Variants in CADM1 observed in about 807,000 individuals in gnomAD.
CADM1 encodes cell adhesion molecule 1.
Under a neutral mutation model 53.1 loss-of-function variants are expected in CADM1, and 15 were observed. That is an observed-to-expected ratio of 0.28 (90% confidence interval 0.19 to 0.44). The LOEUF is 0.44. CADM1 is among the 20% of genes least tolerant of loss of function. The probability of loss-of-function intolerance (pLI) is 1.00; values close to 1 mark genes in which losing one functional copy is unlikely to be tolerated. For synonymous variants in CADM1, 281 were observed against 243.0 expected (o/e 1.16, Z -1.45); for missense variants, 434 against 611.3 (o/e 0.71, Z 3.06).
At chr11:115,436,170 T>C (rs538265601) in intron 1 of CADM1, among the ~76,000 whole-genome samples, 1 of 152,302 alleles carries the variant, frequency 6.6e-6, no homozygotes, top group South Asian at 2.1e-4. Context: ...CACACATACA[T>C]ACATATTCCC....
intron 1 of CADM1, among the ~76,000 whole-genome samples, chr11:115,289,739 G>A (rs1008169174): frequency 1.1e-4 from 16 of 151,788 alleles, no homozygotes; most frequent in Non-Finnish European, 2.2e-4. Context: ...GGGACTATAG[G>A]CACCCACCAT....
chr11:115,465,019 C>T (rs918098403), intron 1 of CADM1, among the ~76,000 whole-genome samples: 2 of 152,202 alleles, frequency 1.3e-5, no homozygotes, highest in African/African-American at 4.8e-5. Context: ...AAAATATACA[C>T]AACCTGTACA....
intron 1 of CADM1, among the ~76,000 whole-genome samples, chr11:115,500,655 C>T (rs1949708738): frequency 6.6e-6 from 1 of 152,226 alleles, no homozygotes; most frequent in Non-Finnish European, 1.5e-5. Context: ...CATTCACTAT[C>T]AACCACTTCT....
intron 1 of CADM1, among the ~76,000 whole-genome samples, chr11:115,271,440 GC>G (rs1943296280): frequency 6.6e-6 from 1 of 152,000 alleles, no homozygotes; most frequent in Non-Finnish European, 1.5e-5. Context: ...CTACAACCAC[GC>G]CCAGCTAATT....
chr11:115,242,659 C>A (rs988513474), intron 1 of CADM1, among the ~76,000 whole-genome samples: 1 of 152,092 alleles, frequency 6.6e-6, no homozygotes, highest in Admixed American at 6.5e-5. Flanking sequence ...ACAAGAATAC[C>A]AAACACGGTC....
chr11:115,246,276 T>C (rs1942404810), intron 1 of CADM1, among the ~76,000 whole-genome samples: 1 of 152,356 alleles, frequency 6.6e-6, no homozygotes, highest in Middle Eastern at 3.4e-3. Flanking sequence ...CCTCTCCATG[T>C]CTTGTTACAC....
At position 115,332,616 on chromosome 11, in the gene CADM1, C is replaced by T. The variant is rs572301612; in HGVS notation, c.125-92196G>A. ...TAAAGTTGGAATGGTATGGCACTTA[C>T]ATATGCTCGATAACGTGTCAATTTC... On this transcript the variant is annotated intron_variant, in intron 1 of 11. Transcript: ENST00000331581. Among the ~76,000 whole-genome samples the T allele has an allele frequency of 7.2e-5, 11 of 152,186 alleles. No individual in the cohort carries two copies. The South Asian group carries it at 2.3e-3, about 32-fold the overall frequency.
chr11:115,217,415 A>G (rs1941233543), intron 6 of CADM1, among the ~76,000 whole-genome samples: 1 of 152,192 alleles, frequency 6.6e-6, no homozygotes, highest in Non-Finnish European at 1.5e-5. Flanking sequence ...TCAAGTATGA[A>G]TGACACTTTT....
intron 10 of CADM1, chr11:115,178,992 C>A: frequency 1.7e-6 from 1 of 588,834 alleles, no homozygotes; most frequent in Non-Finnish European, 3.1e-6. Context: ...TGATAAGCAG[C>A]ATAGGAGGGT....
At chr11:115,202,187 C>CAAAA (rs55812891) in intron 8 of CADM1, among the ~76,000 whole-genome samples, 14 of 148,158 alleles carry the variant, frequency 9.4e-5, no homozygotes, top group African/African-American at 3.2e-4. Flanking sequence ...AACTAAGTAG[C>CAAAA]AAAAAAAAAA....
intron 1 of CADM1, among the ~76,000 whole-genome samples, chr11:115,365,068 A>C (rs1409914840): frequency 6.6e-6 from 1 of 152,200 alleles, no homozygotes; most frequent in Non-Finnish European, 1.5e-5. Context: ...TGTGAAGGGC[A>C]TTCTGCAGAG....
intron 10 of CADM1, among the ~76,000 whole-genome samples, chr11:115,185,444 C>T (rs757128008): frequency 4.6e-5 from 7 of 152,218 alleles, no homozygotes; most frequent in South Asian, 4.2e-4. Context: ...AGGTGAAGGC[C>T]GTCTGATTCA....
At chr11:115,245,995 G>A (rs139512409) in intron 1 of CADM1, among the ~76,000 whole-genome samples, 13 of 152,300 alleles carry the variant, frequency 8.5e-5, no homozygotes, top group South Asian at 2.1e-4. Flanking sequence ...CCACGAAAGC[G>A]TTTGATGAAA....
In CADM1 at chr11:115,175,787, T is replaced by G; in HGVS notation, c.*687A>C. 3.0e-6 allele frequency: 3 copies of G among 992,944 alleles called. No individual in the cohort carries two copies. The highest frequency in any genetic ancestry group is 3.6e-6 in the Non-Finnish European group (3 of 834,304). The allele number at this position is 992,944 out of a possible 1,614,324, so 61.5% of individuals were successfully genotyped here. On this transcript the variant is annotated 3_prime_UTR_variant, in exon 12 of 12. Transcript: ENST00000331581. Reference sequence around the variant, plus strand: ...TGTAGTTCCACAGCAAACAGAACATTTTCTGAATCACAGTCTAATTTTCTA... The same window carrying G: ...TGTAGTTCCACAGCAAACAGAACATGTTCTGAATCACAGTCTAATTTTCTA...
intron 1 of CADM1, among the ~76,000 whole-genome samples, chr11:115,346,113 G>T (rs1389538108): frequency 6.6e-6 from 1 of 151,562 alleles, no homozygotes; most frequent in Non-Finnish European, 1.5e-5. Flanking sequence ...CAGAGACTTC[G>T]GTTTGCAAGC....
chr11:115,444,500 C>T (rs530662092), intron 1 of CADM1, among the ~76,000 whole-genome samples: 3 of 152,144 alleles, frequency 2.0e-5, no homozygotes, highest in Admixed American at 6.6e-5. Context: ...TGGTTCCTTA[C>T]GTCTACCAAG....
At chr11:115,276,894 C>T (rs772399342) in intron 1 of CADM1, among the ~76,000 whole-genome samples, 3 of 152,104 alleles carry the variant, frequency 2.0e-5, no homozygotes, top group Non-Finnish European at 4.4e-5. Flanking sequence ...TCATCTGTCC[C>T]CTGTTTCTTC....
intron 1 of CADM1, among the ~76,000 whole-genome samples, chr11:115,335,467 T>C (rs972675362): frequency 6.6e-6 from 1 of 152,074 alleles, no homozygotes; most frequent in Non-Finnish European, 1.5e-5. Context: ...ATATATATAG[T>C]TGTAAAAGGA....
At chr11:115,396,046 A>C (rs1946986778) in intron 1 of CADM1, among the ~76,000 whole-genome samples, 1 of 152,210 alleles carries the variant, frequency 6.6e-6, no homozygotes, top group Non-Finnish European at 1.5e-5. Context: ...GAAAGAACCT[A>C]GATTATTTTT....
Sources: allele counts gnomAD v4.1 joint callset (sites outside exome capture counted in the v4.1 genomes callset), GRCh38; gene constraint gnomAD v4.1.1; transcripts MANE v1.5; gene names NCBI Gene and HGNC (gene_info 2026-07-23, HGNC 2026-07-21).